The following LDB2 variants were observed in gnomAD, a reference collection of about 807,000 sequenced individuals.
LDB2 encodes the protein LIM domain-binding protein 2.
A neutral mutation model predicts 44.3 loss-of-function variants in LDB2; 12 were observed. That is an observed-to-expected ratio of 0.27 (90% confidence interval 0.17 to 0.44). LDB2 has a LOEUF of 0.44. Ranked by LOEUF, LDB2 falls within the 20% of genes least tolerant of loss-of-function variation. The probability of loss-of-function intolerance (pLI) is 1.00; values close to 1 mark genes in which losing one functional copy is unlikely to be tolerated. For missense variants in LDB2, 344 were observed against 473.5 expected (o/e 0.73, Z 2.54); for synonymous variants, 164 against 174.8 (o/e 0.94, Z 0.49).
At chr4:16,573,545 A>G (rs945750078) in intron 5 of LDB2, among the ~76,000 whole-genome samples, 3 of 152,284 alleles carry the variant, frequency 2.0e-5, no homozygotes, top group African/African-American at 2.4e-5. Context: ...TGAACTCATG[A>G]CAGATTGGTA....
chr4:16,503,764 G>A (rs996948016), intron 7 of LDB2, among the ~76,000 whole-genome samples: 7 of 152,188 alleles, frequency 4.6e-5, no homozygotes, highest in Non-Finnish European at 8.8e-5. Context: ...ATGGAAGCGT[G>A]CAAGAAGAAT....
chr4:16,682,772 G>C (rs150461735), intron 2 of LDB2, among the ~76,000 whole-genome samples: 85 of 152,306 alleles, frequency 5.6e-4, no homozygotes, highest in African/African-American at 1.8e-3. Flanking sequence ...TTCATGTTGA[G>C]TCCTCCAACC....
At chr4:16,546,218 TAAA>T (rs1030727250) in intron 5 of LDB2, among the ~76,000 whole-genome samples, 5 of 152,140 alleles carry the variant, frequency 3.3e-5, no homozygotes, top group Admixed American at 3.3e-4. Flanking sequence ...ACTAGTGAAA[TAAA>T]AAAGAAAGGC....
intron 2 of LDB2, among the ~76,000 whole-genome samples, chr4:16,749,543 A>G (rs1286440985): frequency 6.8e-6 from 1 of 146,828 alleles, no homozygotes; most frequent in Non-Finnish European, 1.5e-5. Flanking sequence ...TGAGCGACAG[A>G]GCAAGACTCC....
At chr4:16,617,844 G>A (rs1461022696) in intron 2 of LDB2, among the ~76,000 whole-genome samples, 1 of 152,172 alleles carries the variant, frequency 6.6e-6, no homozygotes, top group Non-Finnish European at 1.5e-5. Context: ...ATGATAAATG[G>A]AGAGAAGGAG....
At chr4:16,822,320 T>G (rs1782255059) in intron 1 of LDB2, among the ~76,000 whole-genome samples, 1 of 152,092 alleles carries the variant, frequency 6.6e-6, no homozygotes, top group Non-Finnish European at 1.5e-5. Context: ...GCCATAAGCT[T>G]AGGGCACAAA....
chr4:16,711,530 G>A (rs1755868633), intron 2 of LDB2, among the ~76,000 whole-genome samples: 1 of 152,210 alleles, frequency 6.6e-6, no homozygotes, highest in South Asian at 2.1e-4. Flanking sequence ...CAAATGAAAG[G>A]CTTTACACAG....
chr4:16,619,796 G>GTTTTT (rs386399372), intron 2 of LDB2, among the ~76,000 whole-genome samples: 1 of 136,004 alleles, frequency 7.4e-6, no homozygotes, highest in Non-Finnish European at 1.6e-5. Flanking sequence ...GGATATCTCT[G>GTTTTT]TTTTTTTTTT....
rs1158383975 is a variant in LDB2 at position 16,533,501 on chromosome 4, CAA to C, written c.616-21399_616-21398del. Among the ~76,000 whole-genome samples the C allele has an allele frequency of 6.6e-6, 1 of 152,174 alleles. No individual in the cohort carries two copies. The highest frequency in any genetic ancestry group is 2.4e-5 in the African/African-American group (1 of 41,438). On this transcript the variant is annotated intron_variant, in intron 5 of 7. Coordinates refer to ENST00000304523, the MANE Select transcript of LDB2 (RefSeq NM_001290.5). This position sits in a 1 kb window ranked among gnomAD's most constrained non-coding sequence, Gnocchi z 4.1. ...TGGACTTAAGTGGGTCCTAAAAAAG[CAA>C]TGACAAATGACACAATGAAATTGTA...
intron 5 of LDB2, among the ~76,000 whole-genome samples, chr4:16,516,760 C>T (rs570417031): frequency 1.3e-5 from 2 of 152,280 alleles, no homozygotes; most frequent in African/African-American, 4.8e-5. Context: ...TGCTAATCCT[C>T]AAAATTTATC....
chr4:16,826,678 T>C lies in LDB2; in HGVS notation c.133-67418A>G, dbSNP rs550041173. 2.6e-5 allele frequency: 4 copies of C among 152,286 alleles called. No individual in the cohort carries two copies. In the South Asian group the frequency reaches 8.3e-4, roughly 32 times the overall value. The allele number at this position is 152,286 out of a possible 1,614,324, so 9.4% of individuals were successfully genotyped here. ...AACAACTGCTAAACCTTAGCTCTAATGTACACCGTGAAAAGGGAAAATCCT... is the reference window on the plus strand; with the variant it reads ...AACAACTGCTAAACCTTAGCTCTAACGTACACCGTGAAAAGGGAAAATCCT... On this transcript the variant is annotated intron_variant, in intron 1 of 7. Coordinates refer to ENST00000304523, the MANE Select transcript of LDB2 (RefSeq NM_001290.5).
chr4:16,636,467 G>T (rs1428872717), intron 2 of LDB2, among the ~76,000 whole-genome samples: 1 of 152,210 alleles, frequency 6.6e-6, no homozygotes, highest in Non-Finnish European at 1.5e-5. Context: ...CTGTCGAGTA[G>T]ATTAAATGCC....
chr4:16,662,041 T>G (rs1199209681), intron 2 of LDB2, among the ~76,000 whole-genome samples: 1 of 152,196 alleles, frequency 6.6e-6, no homozygotes, highest in Non-Finnish European at 1.5e-5. Flanking sequence ...TCCCTTTCTA[T>G]AGGGCACAGG....
chr4:16,675,328 T>A (rs765956053), intron 2 of LDB2, among the ~76,000 whole-genome samples: 15 of 152,234 alleles, frequency 9.9e-5, no homozygotes, highest in Non-Finnish European at 2.1e-4. Context: ...ACATGCGCAC[T>A]TATTTTATGG....
chr4:16,589,764 C>T (rs908508186), intron 3 of LDB2, among the ~76,000 whole-genome samples: 3 of 152,032 alleles, frequency 2.0e-5, no homozygotes, highest in African/African-American at 4.8e-5. Context: ...ATTAATCAGA[C>T]GATTTCTGCC....
At chr4:16,603,825 T>C (rs1389660078) in intron 2 of LDB2, among the ~76,000 whole-genome samples, 4 of 152,138 alleles carry the variant, frequency 2.6e-5, no homozygotes, top group Non-Finnish European at 5.9e-5. Flanking sequence ...GTATGTCCAG[T>C]TGTTTAAATC....
chr4:16,627,228 A>G lies in LDB2; in HGVS notation c.236-31353T>C, dbSNP rs556823228. Among the ~76,000 whole-genome samples, 191 of 152,296 alleles carry G rather than the reference A, an allele frequency of 1.3e-3. 1 individual carries two copies. The highest frequency in any genetic ancestry group is 4.5e-3 in the African/African-American group (185 of 41,570). Reference sequence around the variant, plus strand: ...AATTCCACTTTTGATTTGACACGTTATATGCTTAAAACATCTGGAAGTAAA... The same window carrying G: ...AATTCCACTTTTGATTTGACACGTTGTATGCTTAAAACATCTGGAAGTAAA... On this transcript the variant is annotated intron_variant, in intron 2 of 7. Coordinates refer to ENST00000304523, the MANE Select transcript of LDB2 (RefSeq NM_001290.5).
chr4:16,754,621 T>C (rs1766139094), intron 2 of LDB2, among the ~76,000 whole-genome samples: 1 of 151,586 alleles, frequency 6.6e-6, no homozygotes, highest in Non-Finnish European at 1.5e-5. Flanking sequence ...TCCATCCGCC[T>C]CCTGGGTTCA....
chr4:16,769,386 C>T (rs207682), intron 1 of LDB2, among the ~76,000 whole-genome samples: 129,095 of 151,872 alleles, frequency 0.85, 55,608 homozygotes, highest in Middle Eastern at 0.95. Flanking sequence ...AACCTCCGCC[C>T]CTTGGGTTCA....
Sources: gnomAD v4.1 joint callset for allele counts (sites outside exome capture counted in the v4.1 genomes callset) on GRCh38, gnomAD v4.1.1 for gene constraint, Gnocchi (gnomAD v3.1) non-coding constraint, MANE v1.5 for transcripts, NCBI Gene and HGNC (gene_info 2026-07-23, HGNC 2026-07-21) for gene names.